The following EYA4 variants were observed in gnomAD, a reference collection of about 807,000 sequenced individuals.
The protein encoded by EYA4 is protein phosphatase EYA4.
Under a neutral mutation model 87.9 loss-of-function variants are expected in EYA4, and 31 were observed. The observed-to-expected ratio is 0.35, with a 90% CI of 0.27 to 0.48. The LOEUF is 0.48. Among genes scored for constraint, EYA4 ranks in the 20% least tolerant of loss-of-function variants. EYA4 has a pLI of 0.99. For synonymous variants in EYA4, 263 were observed against 270.6 expected (o/e 0.97, Z 0.28); for missense variants, 678 against 761.4 (o/e 0.89, Z 1.29).
intron 1 of EYA4, among the ~76,000 whole-genome samples, chr6:133,257,797 C>A (rs1477361404): frequency 1.3e-5 from 2 of 152,136 alleles, no homozygotes; most frequent in African/African-American, 4.8e-5. Context: ...GTAATTTATC[C>A]ATTTCCTGAC....
intron 1 of EYA4, among the ~76,000 whole-genome samples, chr6:133,254,583 A>G (rs916037459): frequency 6.6e-6 from 1 of 152,208 alleles, no homozygotes. Flanking sequence ...TCCAGAAATA[A>G]CATTAAATTA....
At chr6:133,358,567 T>A (rs1784239635) in intron 2 of EYA4, among the ~76,000 whole-genome samples, 1 of 152,202 alleles carries the variant, frequency 6.6e-6, no homozygotes, top group South Asian at 2.1e-4. Context: ...CTAGTTGAAC[T>A]ATTTTGATTG....
intron 10 of EYA4, among the ~76,000 whole-genome samples, chr6:133,465,787 T>A (rs1441447200): frequency 2.0e-5 from 3 of 152,140 alleles, no homozygotes; most frequent in Non-Finnish European, 1.5e-5. Flanking sequence ...AGGAATTTTA[T>A]CAATTGCTTT....
At chr6:133,364,652 AT>A (rs1784721079) in intron 2 of EYA4, among the ~76,000 whole-genome samples, 1 of 152,150 alleles carries the variant, frequency 6.6e-6, no homozygotes, top group Non-Finnish European at 1.5e-5. Flanking sequence ...CTGTTGACAC[AT>A]TTTCAGGTTA....
chr6:133,499,066 CT>C (rs1797882216), intron 13 of EYA4, among the ~76,000 whole-genome samples: 2 of 152,166 alleles, frequency 1.3e-5, no homozygotes, highest in Non-Finnish European at 2.9e-5. Context: ...GGTAACTAAT[CT>C]CTTAAAAACA....
intron 2 of EYA4, among the ~76,000 whole-genome samples, chr6:133,292,851 C>T (rs755566700): frequency 1.3e-5 from 2 of 152,120 alleles, no homozygotes; most frequent in Non-Finnish European, 2.9e-5. Flanking sequence ...TATGTTAAAG[C>T]TTGAAGAGCA....
rs1250239227 is a variant in EYA4, at chr6:133,530,917, T to C, written c.*2112T>C. The C allele has an allele frequency of 3.5e-5, 39 of 1,122,966 alleles. No homozygotes were observed. The highest frequency in any genetic ancestry group is 4.2e-5 in the Non-Finnish European group (39 of 918,216). 69.6% of individuals were successfully genotyped at this position (1,122,966 alleles called of 1,614,324 possible). On this transcript the variant is annotated 3_prime_UTR_variant, in exon 20 of 20. Transcript: ENST00000355286. ...ATAGCAGTTAAAAAAATTTAAATGT[T>C]GCCTTGATTATCAGTACTTAATTAT...
At chr6:133,451,736 A>G (rs1793460772) in intron 5 of EYA4, among the ~76,000 whole-genome samples, 2 of 152,212 alleles carry the variant, frequency 1.3e-5, no homozygotes, top group Non-Finnish European at 2.9e-5. Flanking sequence ...GGGAGGGAAT[A>G]TTTGATTCTA....
In EYA4 at chr6:133,445,623, G is replaced by A. The variant is rs533799910; in HGVS notation, c.84-1007G>A. Among the ~76,000 whole-genome samples the A allele has an allele frequency of 1.2e-4, 18 of 147,526 alleles. No homozygotes were observed. The East Asian group carries it at 2.0e-3, about 16-fold the overall frequency. On this transcript the variant is annotated intron_variant, in intron 3 of 19. Coordinates refer to ENST00000355286, the MANE Select transcript of EYA4 (RefSeq NM_004100.5). Reference sequence around the variant, plus strand: ...AAACAGAGTCTCGCTCTGTCGCTCCGGCTGGAGTGCAGTGGCGCAATCTCC... The same window carrying A: ...AAACAGAGTCTCGCTCTGTCGCTCCAGCTGGAGTGCAGTGGCGCAATCTCC...
intron 1 of EYA4, among the ~76,000 whole-genome samples, chr6:133,245,626 A>G (rs1774344948): frequency 6.6e-6 from 1 of 152,176 alleles, no homozygotes; most frequent in Non-Finnish European, 1.5e-5. Context: ...TGTTTCAGGC[A>G]TTTGCCCTGG....
intron 3 of EYA4, among the ~76,000 whole-genome samples, chr6:133,386,827 G>T (rs1024787513): frequency 6.6e-6 from 1 of 152,130 alleles, no homozygotes; most frequent in Admixed American, 6.6e-5. Context: ...AGAACTTGTG[G>T]TATGTATGAG....
chr6:133,270,733 C>T (rs1562229285), intron 1 of EYA4, among the ~76,000 whole-genome samples: 2 of 152,100 alleles, frequency 1.3e-5, no homozygotes, highest in African/African-American at 2.4e-5. Flanking sequence ...TCCCATTGAC[C>T]TTAATCATAG....
At chr6:133,438,765 G>A (rs778771669) in intron 3 of EYA4, among the ~76,000 whole-genome samples, 19 of 151,918 alleles carry the variant, frequency 1.3e-4, no homozygotes, top group Non-Finnish European at 2.2e-4. Context: ...AGTCTTGGCC[G>A]GGTGCGGTGG....
At chr6:133,373,232 A>G (rs532609451) in intron 2 of EYA4, among the ~76,000 whole-genome samples, 4 of 152,154 alleles carry the variant, frequency 2.6e-5, no homozygotes, top group African/African-American at 7.2e-5. Context: ...GCATTTGTTA[A>G]GTGGTAGAGC....
In EYA4 at chr6:133,483,201, T is replaced by TAAG. The variant is rs1365914030; in HGVS notation, c.1191+87_1191+89dup. The TAAG allele has an allele frequency of 3.0e-6, 3 of 1,016,208 alleles. No individual in the cohort carries two copies. In the East Asian group the frequency reaches 7.4e-5, roughly 25 times the overall value. The allele number at this position is 1,016,208 out of a possible 1,614,324, so 62.9% of individuals were successfully genotyped here. ...ATCAAGGGCTATTTAAAAATTCTTT[T>TAAG]AAGTGTTTTTTTATTGCAGTCTGTG... On this transcript the variant is annotated intron_variant, in intron 13 of 19. Coordinates refer to ENST00000355286, the MANE Select transcript of EYA4 (RefSeq NM_004100.5).
chr6:133,273,016 C>T (rs1776835591), intron 1 of EYA4, among the ~76,000 whole-genome samples: 1 of 150,766 alleles, frequency 6.6e-6, no homozygotes, highest in Non-Finnish European at 1.5e-5. Flanking sequence ...GATGCTGATG[C>T]TCATTAGACA....
At chr6:133,519,434 G>C (rs969924100) in intron 17 of EYA4, among the ~76,000 whole-genome samples, 9 of 150,326 alleles carry the variant, frequency 6.0e-5, no homozygotes, top group Non-Finnish European at 1.3e-4. Context: ...ACTCTCCCAA[G>C]ACTAAACCAG....
intron 13 of EYA4, among the ~76,000 whole-genome samples, chr6:133,494,766 C>T (rs1474006630): frequency 6.6e-6 from 1 of 151,422 alleles, no homozygotes; most frequent in Non-Finnish European, 1.5e-5. Flanking sequence ...GTTGGAGGAT[C>T]ATTTGAGCTC....
At chr6:133,326,604 G>A (rs1351161286) in intron 2 of EYA4, among the ~76,000 whole-genome samples, 2 of 152,194 alleles carry the variant, frequency 1.3e-5, no homozygotes, top group Non-Finnish European at 2.9e-5. Context: ...CCACATCTGG[G>A]CAAGGCTGTG....
Sources: allele counts gnomAD v4.1 joint callset (sites outside exome capture counted in the v4.1 genomes callset), GRCh38; gene constraint gnomAD v4.1.1; transcripts MANE v1.5; gene names NCBI Gene and HGNC (gene_info 2026-07-23, HGNC 2026-07-21).